CPVL: variants seen among roughly 807,000 people sequenced by gnomAD.
The protein encoded by CPVL is carboxypeptidase vitellogenic like, also known as probable serine carboxypeptidase CPVL.
A neutral mutation model predicts 63.7 loss-of-function variants in CPVL; 51 were observed. The observed-to-expected ratio is 0.80, with a 90% CI of 0.64 to 1.01. The LOEUF (loss-of-function observed/expected upper bound fraction) is 1.01. CPVL is among the 50% of genes least tolerant of loss of function. CPVL has a pLI of 0.00. For missense variants in CPVL, 530 were observed against 573.1 expected, an observed-to-expected ratio of 0.92 and a Z score of 0.77; for synonymous variants, 195 against 206.0, an observed-to-expected ratio of 0.95 and a Z score of 0.46.
intron 5 of CPVL, among the ~76,000 whole-genome samples, chr7:29,169,189 T>A (rs1038621370): frequency 6.6e-6 from 1 of 152,190 alleles, no homozygotes; most frequent in African/African-American, 2.4e-5. Context: ...TCAGTACTGT[T>A]TTTGAAAGGC....
At chr7:28,994,837 G>A (rs1440963547), downstream of CPVL, among the ~76,000 whole-genome samples, 1 of 152,176 alleles carries the variant, frequency 6.6e-6, no homozygotes. Flanking sequence ...TGGGTAATAT[G>A]AGAAGGAAGT....
At chr7:29,047,448 G>C (rs1056017862) in intron 11 of CPVL, among the ~76,000 whole-genome samples, 13 of 152,148 alleles carry the variant, frequency 8.5e-5, no homozygotes, top group African/African-American at 3.1e-4. Context: ...TTCAGAGCTT[G>C]ATGACAAAGA....
Position 29,086,532 on chromosome 7 carries a change from G to A in CPVL, c.561C>T (p.Phe187=). 1 of 1,610,714 alleles carries A rather than the reference G, an allele frequency of 6.2e-7. No individual in the cohort carries two copies. Among genetic ancestry groups the A allele is most frequent in the Non-Finnish European group, 8.5e-7 (1 of 1,177,120 alleles). The change falls in exon 7 of 13, where the codon TTC becomes TTT. Residue 187 remains phenylalanine, a synonymous_variant. Transcript: ENST00000265394. ...TATTTTTATATTCAGGAAATATCTG[G>A]AAAAACTGAATTAGTGCACTGCAAA... ...RDLYSALIQF[F]QIFPEYKNND... is the part of the protein sequence containing the mutation.
chr7:29,097,152 G>C (rs1281519309), intron 3 of CPVL, among the ~76,000 whole-genome samples: 1 of 152,178 alleles, frequency 6.6e-6, no homozygotes, highest in African/African-American at 2.4e-5. Context: ...GGAGATGTGG[G>C]AGACATAAAC....
chr7:29,166,446 G>A (rs914699786), intron 5 of CPVL, among the ~76,000 whole-genome samples: 4 of 152,064 alleles, frequency 2.6e-5, no homozygotes, highest in African/African-American at 9.7e-5. Flanking sequence ...GGCTTGATGT[G>A]TTTTCTGGGT....
chr7:29,031,279 T>C (rs1367732459), intron 11 of CPVL, among the ~76,000 whole-genome samples: 2 of 152,206 alleles, frequency 1.3e-5, no homozygotes, highest in Non-Finnish European at 2.9e-5. Context: ...TGCCTCAAAT[T>C]TGTTTCTTAT....
intron 3 of CPVL, among the ~76,000 whole-genome samples, chr7:29,101,467 C>T (rs917462540): frequency 1.3e-5 from 2 of 151,940 alleles, no homozygotes; most frequent in Non-Finnish European, 1.5e-5. Context: ...TGGTGGCGGG[C>T]GCCTGTAGTC....
At chr7:29,115,032 G>T (rs1349980480) in intron 2 of CPVL, among the ~76,000 whole-genome samples, 1 of 152,108 alleles carries the variant, frequency 6.6e-6, no homozygotes, top group Non-Finnish European at 1.5e-5. Flanking sequence ...TGACAGACCT[G>T]GGTTTGGAAT....
upstream of CPVL, chr7:29,148,428 T>G (rs946863490): frequency 6.6e-6 from 1 of 152,256 alleles, no homozygotes; most frequent in Non-Finnish European, 1.5e-5. Flanking sequence ...AAGAACACCA[T>G]TTGAAAGTTA....
At chr7:29,146,731 C>T (rs1562793169), upstream of CPVL, 38 of 1,550,482 alleles carry the variant, frequency 2.5e-5, no homozygotes, top group Non-Finnish European at 3.3e-5. Flanking sequence ...AGAGCATCGG[C>T]GGGGTGCCAT....
At chr7:29,158,211 C>G (rs1313465277) in intron 5 of CPVL, among the ~76,000 whole-genome samples, 10 of 152,182 alleles carry the variant, frequency 6.6e-5, no homozygotes, top group Non-Finnish European at 1.3e-4. Flanking sequence ...GAATGAATGT[C>G]TACAATCAAG....
intron 2 of CPVL, 180 bp from the exon 3 acceptor site, chr7:29,113,002 T>C (rs1788407885): frequency 2.0e-6 from 1 of 512,098 alleles, no homozygotes; most frequent in South Asian, 3.3e-5. Context: ...ATAGTCCACG[T>C]TCACAATTTA....
At chr7:29,137,718 A>G (rs1229638080) in intron 1 of CPVL, among the ~76,000 whole-genome samples, 1 of 152,158 alleles carries the variant, frequency 6.6e-6, no homozygotes, top group Non-Finnish European at 1.5e-5. Context: ...GGACTCCTGT[A>G]CTCTCACTAT....
At chr7:29,141,126 G>C (rs1791825558) in intron 1 of CPVL, among the ~76,000 whole-genome samples, 1 of 152,194 alleles carries the variant, frequency 6.6e-6, no homozygotes, top group Non-Finnish European at 1.5e-5. Flanking sequence ...CTTCCCTGCT[G>C]ATCACCTTCT....
chr7:28,998,022 T>C (rs1784260719), intron 12 of CPVL, among the ~76,000 whole-genome samples: 1 of 152,178 alleles, frequency 6.6e-6, no homozygotes, highest in Non-Finnish European at 1.5e-5. Context: ...AGCTTGCAAC[T>C]GGAAACCCAG....
chr7:29,160,237 T>C (rs1794992041), intron 5 of CPVL, among the ~76,000 whole-genome samples: 1 of 152,206 alleles, frequency 6.6e-6, no homozygotes, highest in African/African-American at 2.4e-5. Context: ...TGTGTGAAGT[T>C]GGTGCCAGAT....
At chr7:29,033,062 T>G (rs1788186323) in intron 11 of CPVL, among the ~76,000 whole-genome samples, 1 of 152,206 alleles carries the variant, frequency 6.6e-6, no homozygotes, top group Admixed American at 6.5e-5. Context: ...GAAGGTCTAC[T>G]TTTGGGTACA....
chr7:29,189,713 T>A (rs1007013257), intron 1 of CPVL, among the ~76,000 whole-genome samples: 1 of 151,158 alleles, frequency 6.6e-6, no homozygotes, highest in Non-Finnish European at 1.5e-5. Context: ...CTTCTCCCTC[T>A]CTGTCTTTCC....
intron 11 of CPVL, among the ~76,000 whole-genome samples, chr7:29,041,126 ATTTTTTT>A (rs1191228187): frequency 9.5e-6 from 1 of 104,942 alleles, no homozygotes; most frequent in Non-Finnish European, 1.9e-5. Context: ...CAATAACTGG[ATTTTTTT>A]TTTTTTTTTT....
Sources: allele counts gnomAD v4.1 joint callset (sites outside exome capture counted in the v4.1 genomes callset), GRCh38; gene constraint gnomAD v4.1.1; transcripts MANE v1.5; gene names NCBI Gene and HGNC (gene_info 2026-07-23, HGNC 2026-07-21).